MYO16: variants seen among roughly 807,000 people sequenced by gnomAD.
MYO16 encodes the protein myosin XVI.
MYO16 carries 94 observed loss-of-function variants against 205.3 expected under a neutral mutation model. The ratio of observed to expected loss-of-function variants is 0.46; its 90% confidence interval spans 0.39 to 0.54. The LOEUF (loss-of-function observed/expected upper bound fraction) is 0.54, where lower values mean the gene tolerates loss of function less well. MYO16 is among the 20% of genes least tolerant of loss of function. MYO16 has a pLI of 0.00. For missense variants in MYO16, 2,315 were observed against 2,387.5 expected (o/e 0.97, Z 0.63); for synonymous variants, 988 against 954.0 (o/e 1.04, Z -0.66).
intron 4 of MYO16, among the ~76,000 whole-genome samples, chr13:108,765,147 A>G (rs1885736523): frequency 6.6e-6 from 1 of 151,214 alleles, no homozygotes; most frequent in Admixed American, 6.6e-5. Context: ...GGTGTCATGC[A>G]TATCTGTATA....
intron 4 of MYO16, among the ~76,000 whole-genome samples, chr13:108,735,608 T>C (rs1191611045): frequency 1.3e-5 from 2 of 151,704 alleles, no homozygotes; most frequent in African/African-American, 4.8e-5. Context: ...AACATACGTG[T>C]GCATGTGTCT....
intron 16 of MYO16, among the ~76,000 whole-genome samples, chr13:108,922,747 T>C (rs1225887766): frequency 6.6e-6 from 1 of 152,218 alleles, no homozygotes; most frequent in Non-Finnish European, 1.5e-5. Context: ...AAAATGTGTG[T>C]TTATGTGTGT....
intron 20 of MYO16, among the ~76,000 whole-genome samples, chr13:108,990,966 A>G (rs1884808454): frequency 6.6e-6 from 1 of 152,244 alleles, no homozygotes; most frequent in African/African-American, 2.4e-5. Flanking sequence ...GCAAGGAAAT[A>G]ACAATTTAAC....
chr13:109,162,337 G>A lies in MYO16; in HGVS notation c.5165-2564G>A, dbSNP rs1878427998. 6.6e-6 allele frequency among the ~76,000 whole-genome samples: 1 copy of A among 152,118 alleles called. No individual in the cohort carries two copies. The highest frequency in any genetic ancestry group is 2.1e-4 in the South Asian group (1 of 4,826). ...AGGACTGTGCTCATTCAAAGCCTTG[G>A]GGAAGCCCTCACTGCGCTGAGAATA... is the stretch of plus-strand genomic sequence containing the variant. On this transcript the variant is annotated intron_variant, in intron 32 of 34. Coordinates refer to ENST00000457511, the MANE Select transcript of MYO16 (RefSeq NM_001198950.3). The surrounding 1 kb of genome is among the most constrained non-coding windows in gnomAD (Gnocchi z 4.6).
chr13:109,114,974 A>C (rs1368900778), intron 28 of MYO16, among the ~76,000 whole-genome samples: 1 of 152,186 alleles, frequency 6.6e-6, no homozygotes, highest in Admixed American at 6.5e-5. Flanking sequence ...AGAGTTCTAC[A>C]TTAGATGTTT....
intron 20 of MYO16, among the ~76,000 whole-genome samples, chr13:108,972,971 T>C (rs534398737): frequency 6.6e-6 from 1 of 151,452 alleles, no homozygotes; most frequent in Non-Finnish European, 1.5e-5. Flanking sequence ...CATGCTGAGA[T>C]GGGGAAGATA....
the MYO16 span, among the ~76,000 whole-genome samples, chr13:108,568,594 A>G: frequency 1.3e-4 from 20 of 152,236 alleles, no homozygotes; most frequent in East Asian, 3.9e-3. Context: ...GACCCTTATA[A>G]GAAATGCTTT....
At chr13:109,075,754 TATC>T (rs1203344702) in intron 27 of MYO16, among the ~76,000 whole-genome samples, 1 of 152,200 alleles carries the variant, frequency 6.6e-6, no homozygotes, top group African/African-American at 2.4e-5. Flanking sequence ...GCATAAATAG[TATC>T]ATGTTGATTG....
intron 28 of MYO16, among the ~76,000 whole-genome samples, chr13:109,102,442 CTACT>C (rs1368940378): frequency 2.0e-5 from 3 of 151,772 alleles, no homozygotes; most frequent in Admixed American, 6.6e-5. Context: ...CTTTTAAAGA[CTACT>C]TACAGATAAT....
chr13:108,967,002 G>T (rs910312627), intron 20 of MYO16, among the ~76,000 whole-genome samples: 1 of 151,998 alleles, frequency 6.6e-6, no homozygotes, highest in Non-Finnish European at 1.5e-5. Context: ...CACATTGATT[G>T]TGATAGAATA....
Position 108,849,200 on chromosome 13 carries a change from T to C in MYO16, c.1248+4707T>C, listed in dbSNP as rs557742048. 4.6e-5 allele frequency among the ~76,000 whole-genome samples: 7 copies of C among 152,320 alleles called. No individual in the cohort carries two copies. In the South Asian group the frequency reaches 1.2e-3, roughly 27 times the overall value. ...GTTTTTTTGTTTTTGTTTTTGTTTT[T>C]GTTTTTCTGAGATGACGTCTTACTC... On this transcript the variant is annotated intron_variant, in intron 10 of 34. Transcript: ENST00000457511.
At chr13:108,765,097 C>T (rs1379275865) in intron 4 of MYO16, among the ~76,000 whole-genome samples, 1 of 152,180 alleles carries the variant, frequency 6.6e-6, no homozygotes, top group East Asian at 1.9e-4. Flanking sequence ...TCTCTCCACT[C>T]TCCCTCTTCC....
At chr13:108,766,658 C>T (rs750868384) in intron 4 of MYO16, among the ~76,000 whole-genome samples, 11 of 152,342 alleles carry the variant, frequency 7.2e-5, no homozygotes, top group African/African-American at 2.2e-4. Context: ...ACAAGATGTG[C>T]GTCTGTTATT....
At chr13:108,683,695 T>TA (rs1193974930) in intron 2 of MYO16, among the ~76,000 whole-genome samples, 5 of 152,196 alleles carry the variant, frequency 3.3e-5, no homozygotes, top group Non-Finnish European at 7.3e-5. Context: ...CTTGTTCTAA[T>TA]AAAAATAAAG....
intron 33 of MYO16, among the ~76,000 whole-genome samples, chr13:109,170,345 A>T (rs1566546678): frequency 6.6e-6 from 1 of 152,124 alleles, no homozygotes. Flanking sequence ...ATACTACTAC[A>T]CACACTCTAG....
rs1435212139 is a variant in MYO16, at chr13:108,898,025, A to G, written c.1669A>G (p.Ile557Val). 1 of 1,612,712 alleles carries G rather than the reference A, an allele frequency of 6.2e-7. No homozygotes were observed. The highest frequency in any genetic ancestry group is 1.1e-5 in the South Asian group (1 of 91,062). The change falls in exon 15 of 35, where the codon ATC becomes GTC. Residue 557 changes from isoleucine to valine, a missense_variant. Physicochemically the swap from Ile to Val is conservative, Grantham distance 29. Coordinates refer to ENST00000457511, the MANE Select transcript of MYO16 (RefSeq NM_001198950.3). ...LDSRFKHVVCILEAFGHAKTT... is the reference protein window; with the variant it reads ...LDSRFKHVVCVLEAFGHAKTT... ...TTCTCCTCTCCCACAGGTCGTGTGC[A>G]TCTTAGAAGCCTTTGGACATGCCAA...
At chr13:109,188,511 G>T (rs1395565782) in intron 34 of MYO16, among the ~76,000 whole-genome samples, 4 of 152,118 alleles carry the variant, frequency 2.6e-5, no homozygotes, top group African/African-American at 9.7e-5. Flanking sequence ...TTAGATTTAG[G>T]TATGTATTAG....
intron 14 of MYO16, among the ~76,000 whole-genome samples, chr13:108,895,822 A>G (rs1880385634): frequency 6.6e-6 from 1 of 152,196 alleles, no homozygotes; most frequent in Non-Finnish European, 1.5e-5. Context: ...AGTGAGCAGG[A>G]CGGGAACATT....
chr13:108,964,981 A>G, intron 20 of MYO16, 79 bp downstream of exon 20: 1 of 1,435,886 alleles, frequency 7.0e-7, no homozygotes, highest in Non-Finnish European at 9.5e-7. Flanking sequence ...AAGCAGCTTC[A>G]TATTACAGGG....
Sources: allele counts gnomAD v4.1 joint callset (sites outside exome capture counted in the v4.1 genomes callset), GRCh38; gene constraint gnomAD v4.1.1; non-coding constraint Gnocchi (gnomAD v3.1); transcripts MANE v1.5; gene names NCBI Gene and HGNC (gene_info 2026-07-23, HGNC 2026-07-21).